MYO18B: variants seen among roughly 807,000 people sequenced by gnomAD.
The protein encoded by MYO18B is unconventional myosin-XVIIIb.
MYO18B carries 204 observed loss-of-function variants against 273.0 expected under a neutral mutation model. That is an observed-to-expected ratio of 0.75 (90% CI 0.67 to 0.84). MYO18B has a LOEUF of 0.84. Ranked by LOEUF, MYO18B falls within the 40% of genes least tolerant of loss-of-function variation. The probability of loss-of-function intolerance (pLI) is 0.00; values close to 1 mark genes in which losing one functional copy is unlikely to be tolerated. For synonymous variants in MYO18B, 1,330 were observed against 1,305.7 expected, an observed-to-expected ratio of 1.02 and a Z score of -0.40; for missense variants, 3,212 against 3,287.6, an observed-to-expected ratio of 0.98 and a Z score of 0.56.
chr22:25,942,826 A>G (rs1475814338), intron 34 of MYO18B, among the ~76,000 whole-genome samples: 1 of 152,082 alleles, frequency 6.6e-6, no homozygotes, highest in Admixed American at 6.6e-5. Flanking sequence ...TGAGCTAAGA[A>G]GGCCAGCAGC....
intron 12 of MYO18B, among the ~76,000 whole-genome samples, chr22:25,801,382 G>A (rs761957224): frequency 2.0e-5 from 3 of 152,160 alleles, no homozygotes; most frequent in Non-Finnish European, 4.4e-5. Flanking sequence ...TGGATTAGAT[G>A]TATGTGCTAA....
chr22:25,984,467 C>T (rs1436912766), intron 39 of MYO18B, among the ~76,000 whole-genome samples: 3 of 152,146 alleles, frequency 2.0e-5, no homozygotes, highest in African/African-American at 7.2e-5. Context: ...GATTTGAATA[C>T]CATTTCTAGG....
intron 21 of MYO18B, among the ~76,000 whole-genome samples, chr22:25,865,562 A>G (rs1460219945): frequency 1.3e-5 from 2 of 152,206 alleles, no homozygotes; most frequent in Non-Finnish European, 2.9e-5. Flanking sequence ...GCCAGGTGCT[A>G]TGTAGCCCTG....
At chr22:25,792,023 T>A (rs1204145639) in intron 11 of MYO18B, among the ~76,000 whole-genome samples, 1 of 152,208 alleles carries the variant, frequency 6.6e-6, no homozygotes, top group Non-Finnish European at 1.5e-5. Flanking sequence ...ACGATTCAGA[T>A]CGTGGCTGAA....
At chr22:25,971,771 T>C (rs1453739088) in intron 39 of MYO18B, among the ~76,000 whole-genome samples, 14 of 152,200 alleles carry the variant, frequency 9.2e-5, no homozygotes. Flanking sequence ...TAGTTTTTGT[T>C]GTAGTTGGGT....
chr22:26,008,141 C>T (rs1934586985), intron 42 of MYO18B, among the ~76,000 whole-genome samples: 2 of 152,190 alleles, frequency 1.3e-5, no homozygotes, highest in Non-Finnish European at 2.9e-5. Context: ...ATAAGTTCAT[C>T]TCATTCTTTG....
intron 21 of MYO18B, among the ~76,000 whole-genome samples, chr22:25,859,238 G>A (rs1448043094): frequency 6.6e-6 from 1 of 152,058 alleles, no homozygotes; most frequent in Non-Finnish European, 1.5e-5. Context: ...TTGATTAATA[G>A]TAGTAGATAT....
At chr22:25,771,403 A>C (rs767889612) in intron 6 of MYO18B, among the ~76,000 whole-genome samples, 1 of 152,200 alleles carries the variant, frequency 6.6e-6, no homozygotes, top group Non-Finnish European at 1.5e-5. Context: ...TAACCATAGC[A>C]TAGGTTCTAA....
chr22:25,768,813 T>C lies in MYO18B; in HGVS notation c.897T>C (p.Ser299=). Residue 299 remains serine, a synonymous_variant, in exon 4 of 44, where the codon TCT becomes TCC. Transcript: ENST00000335473. ...PTNTVEKGNV[S]KDVGSEGKHV... ...ACACGGTGGAAAAGGGGAATGTCTC[T>C]AAGGACGTAGGGAGTGAAGGGAAGC... 1 of 1,610,704 alleles carries C rather than the reference T, an allele frequency of 6.2e-7. No homozygotes were observed. The highest frequency in any genetic ancestry group is 8.5e-7 in the Non-Finnish European group (1 of 1,178,462).
chr22:25,943,975 A>G (rs1288567575), intron 34 of MYO18B, among the ~76,000 whole-genome samples: 2 of 151,330 alleles, frequency 1.3e-5, no homozygotes, highest in Non-Finnish European at 2.9e-5. Context: ...GCCCGTCTCA[A>G]CCTCCCACAG....
At chr22:26,038,997 A>G in the MYO18B span, among the ~76,000 whole-genome samples, 19,861 of 152,194 alleles carry the variant, frequency 0.13, 1,753 homozygotes, top group African/African-American at 0.24. Flanking sequence ...AGCTGCTGTC[A>G]TTATTATTGT....
At chr22:25,858,570 C>T (rs1160430654) in intron 21 of MYO18B, among the ~76,000 whole-genome samples, 1 of 152,204 alleles carries the variant, frequency 6.6e-6, no homozygotes, top group Non-Finnish European at 1.5e-5. Context: ...TTTTCGGGTA[C>T]ACTCTTCTTG....
downstream of MYO18B, among the ~76,000 whole-genome samples, chr22:26,034,311 C>A (rs1322339307): frequency 2.0e-5 from 3 of 152,238 alleles, no homozygotes; most frequent in Non-Finnish European, 2.9e-5. Context: ...GGGATATCAA[C>A]ATGGCCTGGC....
chr22:26,052,808 G>GTTTT, the MYO18B span, among the ~76,000 whole-genome samples: 1 of 143,342 alleles, frequency 7.0e-6, no homozygotes, highest in Non-Finnish European at 1.5e-5. Flanking sequence ...TTTTTTTTTG[G>GTTTT]TTTTTTTTTT....
intron 34 of MYO18B, among the ~76,000 whole-genome samples, chr22:25,922,257 G>T (rs2092358536): frequency 6.6e-6 from 1 of 152,180 alleles, no homozygotes; most frequent in Non-Finnish European, 1.5e-5. Context: ...CTCAAAGGAG[G>T]ACAGGAGGAG....
Position 25,952,360 on chromosome 22 carries a change from G to C in MYO18B, c.5907G>C (p.Glu1969Asp). ...ATCGAGCCATCGTCAGCAGGCAGGA[G>C]GCGGTCATCTGTGACCTAGAGAACA... ...TVDRAIVSRQ[E>D]AVICDLENKT... is the part of the protein sequence containing the mutation. The change falls in exon 38 of 44, where the codon GAG becomes GAC. Residue 1969 changes from glutamate to aspartate, a missense_variant. Physicochemically the swap from Glu to Asp is conservative, Grantham distance 45. Transcript: ENST00000335473. 1 of 1,612,796 alleles carries C rather than the reference G, an allele frequency of 6.2e-7. No homozygotes were observed. Among genetic ancestry groups the C allele is most frequent in the Non-Finnish European group, 8.5e-7 (1 of 1,179,502 alleles).
At position 25,756,579 on chromosome 22, in the gene MYO18B, G is replaced by A. The variant is rs1482346005; in HGVS notation, c.-109-4405G>A. 8 of 152,370 alleles carry A rather than the reference G, an allele frequency of 5.3e-5. No homozygotes were observed. The East Asian group carries it at 1.5e-3, about 29-fold the overall frequency. 9.4% of individuals were successfully genotyped at this position (152,370 alleles called of 1,614,324 possible). A position where few individuals can be genotyped will look rare whatever the true frequency, so the allele number is the denominator to read the frequency against. ...TTAGGCTTTGCTGAATGCAGACTTG[G>A]AAAGAGATGTTCACAATGGACTCTC... On this transcript the variant is annotated intron_variant, in intron 1 of 43. Transcript: ENST00000335473.
At chr22:25,968,355 G>T (rs1331521549) in intron 39 of MYO18B, among the ~76,000 whole-genome samples, 1 of 152,098 alleles carries the variant, frequency 6.6e-6, no homozygotes, top group Non-Finnish European at 1.5e-5. Context: ...ATTCCCCCAA[G>T]GAAAATTGAA....
At chr22:26,038,380 C>A in the MYO18B span, among the ~76,000 whole-genome samples, 1 of 152,292 alleles carries the variant, frequency 6.6e-6, no homozygotes, top group Middle Eastern at 3.4e-3. Context: ...GCCTCTGTTT[C>A]CTGCTGTAAA....
Sources: allele counts gnomAD v4.1 joint callset (sites outside exome capture counted in the v4.1 genomes callset), GRCh38; gene constraint gnomAD v4.1.1; transcripts MANE v1.5; gene names NCBI Gene and HGNC (gene_info 2026-07-23, HGNC 2026-07-21).